RBFOX1: variants seen among roughly 807,000 people sequenced by gnomAD.
RBFOX1 encodes RNA binding fox-1 homolog 1.
A neutral mutation model predicts 57.7 loss-of-function variants in RBFOX1; 8 were observed. That is an observed-to-expected ratio of 0.14 (90% CI 0.08 to 0.25). The LOEUF (loss-of-function observed/expected upper bound fraction) is 0.25, where lower values mean the gene tolerates loss of function less well. Among genes scored for constraint, RBFOX1 ranks in the 10% least tolerant of loss-of-function variants. The pLI, the probability that RBFOX1 is intolerant of heterozygous loss-of-function variation, is 1.00. For missense variants in RBFOX1, 611 were observed against 548.5 expected (o/e 1.11, Z -1.14); for synonymous variants, 326 against 222.4 (o/e 1.47, Z -4.15).
chr16:7,260,362 G>A (rs192275344), intron 4 of RBFOX1, among the ~76,000 whole-genome samples: 91 of 152,180 alleles, frequency 6.0e-4, no homozygotes, highest in African/African-American at 2.1e-3. Context: ...ATTAAACGCC[G>A]CTCTTAAAAA....
chr16:7,615,056 G>C (rs538459673), intron 10 of RBFOX1: 1 of 152,342 alleles, frequency 6.6e-6, no homozygotes. Context: ...AATGAAGGCC[G>C]GGTGCGGTGG....
At chr16:6,905,678 G>A (rs2069586530) in intron 3 of RBFOX1, among the ~76,000 whole-genome samples, 1 of 151,950 alleles carries the variant, frequency 6.6e-6, no homozygotes, top group Non-Finnish European at 1.5e-5. Flanking sequence ...ACCAAAAGGG[G>A]AAAAAAAGAC....
chr16:6,548,379 TG>T (rs2096924376), intron 2 of RBFOX1, among the ~76,000 whole-genome samples: 1 of 152,072 alleles, frequency 6.6e-6, no homozygotes, highest in Admixed American at 6.6e-5. Flanking sequence ...ATCAAATTGT[TG>T]GGGGGTATGT....
intron 3 of RBFOX1, among the ~76,000 whole-genome samples, chr16:6,663,148 C>T (rs1032179871): frequency 6.6e-6 from 1 of 152,054 alleles, no homozygotes; most frequent in African/African-American, 2.4e-5. Flanking sequence ...TGAACTAGAG[C>T]CATGTAGGAG....
intron 1 of RBFOX1, among the ~76,000 whole-genome samples, chr16:6,049,561 TAAG>T (rs1284890957): frequency 6.6e-6 from 1 of 152,148 alleles, no homozygotes; most frequent in Non-Finnish European, 1.5e-5. Flanking sequence ...CTCTAAAGGA[TAAG>T]AAGGTTTTTT....
chr16:7,592,842 T>C (rs185561586), intron 7 of RBFOX1, among the ~76,000 whole-genome samples: 1 of 152,238 alleles, frequency 6.6e-6, no homozygotes, highest in East Asian at 1.9e-4. Flanking sequence ...CTTTTTCAGA[T>C]AGGGTGTCAC....
intron 2 of RBFOX1, among the ~76,000 whole-genome samples, chr16:6,593,770 A>G (rs1338432624): frequency 6.6e-6 from 1 of 152,200 alleles, no homozygotes. Context: ...GAGAAACTGG[A>G]GAGCAGAAAG....
intron 4 of RBFOX1, among the ~76,000 whole-genome samples, chr16:7,469,064 G>C (rs1241458193): frequency 6.6e-6 from 1 of 152,036 alleles, no homozygotes; most frequent in Admixed American, 6.6e-5. Context: ...CTCCTGAGTA[G>C]CTGGGGCTAC....
At position 6,804,537 on chromosome 16, in the gene RBFOX1, A is replaced by C. The variant is rs1182264203; in HGVS notation, c.-16+149887A>C. 2.6e-5 allele frequency among the ~76,000 whole-genome samples: 4 copies of C among 152,160 alleles called. No individual in the cohort carries two copies. The South Asian group carries it at 8.3e-4, about 32-fold the overall frequency. On this transcript the variant is annotated intron_variant, in intron 3 of 15. Transcript: ENST00000550418. The stretch of plus-strand genomic sequence containing the variant: ...CTTCATCCTACAAATAAAGAATTCT[A>C]AATTGGACTCTAAATATTGTATGTG...
intron 10 of RBFOX1, chr16:7,614,507 A>G (rs1245614072): frequency 6.6e-6 from 1 of 152,078 alleles, no homozygotes; most frequent in African/African-American, 2.4e-5. Context: ...GTACTTGCTT[A>G]TGTGCTAAAA....
At chr16:5,490,514 G>A (rs942874330) in intron 2 of RBFOX1, among the ~76,000 whole-genome samples, 7 of 152,320 alleles carry the variant, frequency 4.6e-5, no homozygotes, top group Admixed American at 3.9e-4. Flanking sequence ...CCCTTTCAGG[G>A]AGAATTACTT....
At position 7,214,214 on chromosome 16, in the gene RBFOX1, C is replaced by G. The variant is rs78407053; in HGVS notation, c.27+162116C>G. Reference sequence around the variant, plus strand: ...TCATTTATCCTAGGATATGTCACCCCTACAATTTTCTGTGAAGTGTTTTTT... The same window carrying G: ...TCATTTATCCTAGGATATGTCACCCGTACAATTTTCTGTGAAGTGTTTTTT... On this transcript the variant is annotated intron_variant, in intron 4 of 15. Coordinates refer to ENST00000550418, the MANE Select transcript of RBFOX1 (RefSeq NM_018723.4). Among the ~76,000 whole-genome samples the G allele has an allele frequency of 4.8e-3, 729 of 152,254 alleles. 6 individuals are homozygous for G. The highest frequency in any genetic ancestry group is 0.015 in the African/African-American group (638 of 41,548).
intron 3 of RBFOX1, among the ~76,000 whole-genome samples, chr16:7,005,927 A>G (rs1375419949): frequency 1.3e-5 from 2 of 152,210 alleles, no homozygotes; most frequent in Non-Finnish European, 2.9e-5. Context: ...TTCTGACAGC[A>G]TCCAATCCAG....
At position 7,252,461 on chromosome 16, in the gene RBFOX1, G is replaced by GA. The variant is rs574518159; in HGVS notation, c.27+200365dup. Among the ~76,000 whole-genome samples the GA allele has an allele frequency of 1.6e-4, 25 of 152,258 alleles. No individual in the cohort carries two copies. In the South Asian group the frequency reaches 4.8e-3, roughly 29 times the overall value. Reference sequence around the variant, plus strand: ...GCTGTCTTTTTGCTGTTTCATGTTGGAATTCATCGTCAGCACTGAAGTATC... The same window carrying GA: ...GCTGTCTTTTTGCTGTTTCATGTTGGAAATTCATCGTCAGCACTGAAGTATC... On this transcript the variant is annotated intron_variant, in intron 4 of 15. Coordinates refer to ENST00000550418, the MANE Select transcript of RBFOX1 (RefSeq NM_018723.4).
At chr16:7,043,391 C>T (rs59585604) in intron 3 of RBFOX1, among the ~76,000 whole-genome samples, 39,090 of 152,052 alleles carry the variant, frequency 0.26, 5,859 homozygotes, top group East Asian at 0.45. Context: ...ATTAGCACAG[C>T]GCTAGGCAGT....
chr16:5,950,831 A>G (rs2059505135), intron 4 of RBFOX1, among the ~76,000 whole-genome samples: 1 of 151,992 alleles, frequency 6.6e-6, no homozygotes, highest in African/African-American at 2.4e-5. Flanking sequence ...TGTGGTGAAT[A>G]TCTGTTCTGC....
chr16:6,823,610 T>A (rs7188294), intron 3 of RBFOX1, among the ~76,000 whole-genome samples: 1 of 152,014 alleles, frequency 6.6e-6, no homozygotes, highest in Non-Finnish European at 1.5e-5. Flanking sequence ...CCTTGAATAT[T>A]CCACCAGTTT....
chr16:7,287,439 C>G (rs190834176), intron 4 of RBFOX1, among the ~76,000 whole-genome samples: 16 of 152,196 alleles, frequency 1.1e-4, no homozygotes, highest in Admixed American at 1.0e-3. Context: ...CAAACTTGCT[C>G]TAAAGGACCA....
At chr16:5,378,370 C>G (rs1225026090) in intron 1 of RBFOX1, among the ~76,000 whole-genome samples, 1 of 151,562 alleles carries the variant, frequency 6.6e-6, no homozygotes, top group African/African-American at 2.5e-5. Flanking sequence ...TCCATAGTTG[C>G]CATCCTCGTT....
Sources: allele counts gnomAD v4.1 joint callset (sites outside exome capture counted in the v4.1 genomes callset), GRCh38; gene constraint gnomAD v4.1.1; transcripts MANE v1.5; gene names NCBI Gene and HGNC (gene_info 2026-07-23, HGNC 2026-07-21).